CC2D2A: variants seen among roughly 807,000 people sequenced by gnomAD.
CC2D2A encodes the protein coiled-coil and C2 domain-containing protein 2A.
A neutral mutation model predicts 212.9 loss-of-function variants in CC2D2A; 155 were observed. The observed-to-expected ratio is 0.73, with a 90% CI of 0.64 to 0.83. The LOEUF is 0.83. CC2D2A is among the 40% of genes least tolerant of loss of function. CC2D2A has a pLI of 0.00. For synonymous variants in CC2D2A, 667 were observed against 686.5 expected, an observed-to-expected ratio of 0.97 and a Z score of 0.44; for missense variants, 1,856 against 1,956.2, an observed-to-expected ratio of 0.95 and a Z score of 0.97.
intron 20 of CC2D2A, among the ~76,000 whole-genome samples, chr4:15,556,023 T>G (rs1719261493): frequency 6.6e-6 from 1 of 152,252 alleles, no homozygotes; most frequent in Non-Finnish European, 1.5e-5. Flanking sequence ...GTTGATTAAT[T>G]AGTTATCATT....
chr4:15,560,722 A>T, intron 23 of CC2D2A, 100 bp downstream of exon 23: 1 of 583,882 alleles, frequency 1.7e-6, no homozygotes, highest in South Asian at 2.2e-5. Flanking sequence ...AAATCATCGT[A>T]TGGTATGCAT....
Position 15,596,292 on chromosome 4 carries a change from G to T in CC2D2A, c.4437+85G>T, listed in dbSNP as rs946857577. 3 of 1,270,182 alleles carry T rather than the reference G, an allele frequency of 2.4e-6. No individual in the cohort carries two copies. The East Asian group carries it at 7.9e-5, about 33-fold the overall frequency. 78.7% of individuals were successfully genotyped at this position (1,270,182 alleles called of 1,614,324 possible). A position where few individuals can be genotyped will look rare whatever the true frequency, so the allele number is the denominator to read the frequency against. On this transcript the variant is annotated intron_variant, in intron 34 of 36. Transcript: ENST00000424120. ...GGTTACAAGATATTTTTTACCCCTG[G>T]GTAGTCTAGAACAGTATTTGTTTAT...
chr4:15,589,195 T>C (rs1577398588), intron 32 of CC2D2A, among the ~76,000 whole-genome samples: 1 of 152,170 alleles, frequency 6.6e-6, no homozygotes, highest in South Asian at 2.1e-4. Flanking sequence ...CAGCCTTCTA[T>C]AGACTTAAAT....
chr4:15,539,865 G>T (rs755003817), intron 16 of CC2D2A, among the ~76,000 whole-genome samples: 5 of 152,112 alleles, frequency 3.3e-5, no homozygotes, highest in African/African-American at 1.2e-4. Flanking sequence ...AAAAAATGCT[G>T]AAGTAATTTG....
At chr4:15,513,113 A>T (rs550145625) in intron 8 of CC2D2A, among the ~76,000 whole-genome samples, 1 of 152,188 alleles carries the variant, frequency 6.6e-6, no homozygotes. Flanking sequence ...CCGGAAATGT[A>T]CTTTTTTTAC....
In CC2D2A at chr4:15,514,766, C is replaced by T. The variant is rs2286976; in HGVS notation, c.777C>T (p.His259=). The part of the protein sequence containing the change: ...DAEDFLLGLD[H]VADDFVAVRP... Reference sequence around the variant, plus strand: ...AGGACTTCCTATTGGGCTTAGATCACGTGGCTGACGATTTTGTAGCAGTCA... The same window carrying T: ...AGGACTTCCTATTGGGCTTAGATCATGTGGCTGACGATTTTGTAGCAGTCA... Residue 259 remains histidine (H), a synonymous_variant, in exon 9 of 37, where the codon CAC becomes CAT. Transcript: ENST00000424120. 58,469 of 1,612,680 alleles carry T rather than the reference C, an allele frequency of 0.036. 3,218 individuals are homozygous for T. Among genetic ancestry groups the T allele is most frequent in the East Asian group, 0.32 (14,278 of 44,836 alleles).
At chr4:15,492,113 T>G (rs985057078) in intron 4 of CC2D2A, among the ~76,000 whole-genome samples, 1 of 152,208 alleles carries the variant, frequency 6.6e-6, no homozygotes, top group Non-Finnish European at 1.5e-5. Context: ...ACCAAACCTG[T>G]TTCTCCTAGA....
intron 19 of CC2D2A, among the ~76,000 whole-genome samples, chr4:15,554,641 G>A (rs533854801): frequency 2.0e-5 from 3 of 152,320 alleles, no homozygotes; most frequent in African/African-American, 4.8e-5. Context: ...GCACCACTGC[G>A]CTCTAGCCTG....
intron 9 of CC2D2A, 146 bp from the exon 10 acceptor site, chr4:15,515,722 C>T (rs1222141792): frequency 2.6e-6 from 2 of 766,816 alleles, no homozygotes; most frequent in East Asian, 2.7e-5. Flanking sequence ...TCATCTTTTC[C>T]TTGGTTCTGC....
intron 8 of CC2D2A, 92 bp from the exon 9 acceptor site, chr4:15,514,615 A>G (rs1716753388): frequency 1.1e-6 from 1 of 944,672 alleles, no homozygotes; most frequent in Non-Finnish European, 1.5e-6. Context: ...GTTGTAGGAA[A>G]TGTTAAGTTT....
chr4:15,567,283 G>C (rs1719926801), intron 24 of CC2D2A, 94 bp from the exon 25 acceptor site: 1 of 963,806 alleles, frequency 1.0e-6, no homozygotes. Context: ...GGGCGACAGA[G>C]TGAGACCCTA....
intron 31 of CC2D2A, among the ~76,000 whole-genome samples, chr4:15,587,039 C>T (rs1283560473): frequency 2.0e-5 from 3 of 152,104 alleles, no homozygotes; most frequent in African/African-American, 7.2e-5. Flanking sequence ...AGCAGCAGTC[C>T]CCTTTTGGCA....
chr4:15,519,282 C>G, intron 11 of CC2D2A: 1 of 387,832 alleles, frequency 2.6e-6, no homozygotes, highest in Non-Finnish European at 5.0e-6. Flanking sequence ...GTCACATTTG[C>G]TCCAGTTCCC....
In CC2D2A at chr4:15,580,031, T is replaced by C. The variant is rs1376193445; in HGVS notation, c.3835T>C (p.Leu1279=). The C allele has an allele frequency of 2.5e-6, 4 of 1,613,972 alleles. No individual in the cohort carries two copies. In the East Asian group the frequency reaches 8.9e-5, roughly 36 times the overall value. The part of the protein sequence containing the change: ...ATEKFQAECA[L]KFPNRQCLTT... ...TGAGAAGTTTCAAGCTGAATGTGCC[T>C]TAAAGTTTCCAAATCGTCAGTGCCT... Residue 1279 remains leucine (L), a synonymous_variant, in exon 30 of 37, where the codon TTA becomes CTA. Coordinates refer to ENST00000424120, the MANE Select transcript of CC2D2A (RefSeq NM_001378615.1).
rs71649912 is a variant in CC2D2A, at chr4:15,512,951, C to CA, written c.717+1542dup. On this transcript the variant is annotated intron_variant, in intron 8 of 36. Coordinates refer to ENST00000424120, the MANE Select transcript of CC2D2A (RefSeq NM_001378615.1). ...TAGATGACAAAGCAAGACTCTGTCT[C>CA]AAAAAAAAAAAAAAGGTTAAAATGG... is the stretch of plus-strand genomic sequence containing the variant. 3.9e-3 allele frequency among the ~76,000 whole-genome samples: 510 copies of CA among 129,458 alleles called. 2 individuals are homozygous for CA. Among genetic ancestry groups the CA allele is most frequent in the Middle Eastern group, 9.0e-3 (2 of 222 alleles). 84.9% of individuals were successfully genotyped at this position (129,458 alleles called of 152,430 possible).
chr4:15,528,692 CA>C lies in CC2D2A; in HGVS notation c.1438del (p.Thr480ProfsTer31). ...ACCTCATCAGTCTCTCGATACCATCCAAAAAACCATCAATGAGTATAAATCT... is the reference window on the plus strand; with the variant it reads ...ACCTCATCAGTCTCTCGATACCATCCAAAAACCATCAATGAGTATAAATCT... Reference protein sequence around the residue: ...EKPHQSLDTIQKTINEYKSEI... With the variant: ...EKPHQSLDTIXKTINEYKSEI... On this transcript the variant is annotated frameshift_variant, in exon 13 of 37. Coordinates refer to ENST00000424120, the MANE Select transcript of CC2D2A (RefSeq NM_001378615.1). LOFTEE classifies it high-confidence loss of function. 1 of 1,609,124 alleles carries C rather than the reference CA, an allele frequency of 6.2e-7. No homozygotes were observed. The highest frequency in any genetic ancestry group is 1.1e-5 in the South Asian group (1 of 90,006).
At chr4:15,576,141 C>T (rs1720394600) in intron 29 of CC2D2A, among the ~76,000 whole-genome samples, 1 of 152,206 alleles carries the variant, frequency 6.6e-6, no homozygotes, top group Admixed American at 6.5e-5. Context: ...AAGCATTTAT[C>T]TTAGACCTCT....
intron 11 of CC2D2A, among the ~76,000 whole-genome samples, chr4:15,518,695 T>G (rs1717022468): frequency 6.6e-6 from 1 of 152,248 alleles, no homozygotes; most frequent in Non-Finnish European, 1.5e-5. Flanking sequence ...CCTCAGTTCT[T>G]GACTTCTGTG....
At chr4:15,587,752 C>T (rs2109090125) in intron 31 of CC2D2A, 64 bp from the exon 32 acceptor site, 1 of 873,692 alleles carries the variant, frequency 1.1e-6, no homozygotes, top group East Asian at 2.6e-5. Flanking sequence ...TATTAGAATC[C>T]TGCACAACCA....
Sources: allele counts gnomAD v4.1 joint callset (sites outside exome capture counted in the v4.1 genomes callset), GRCh38; gene constraint gnomAD v4.1.1; transcripts MANE v1.5; gene names NCBI Gene and HGNC (gene_info 2026-07-23, HGNC 2026-07-21).